Variants in COX7B2 observed in about 807,000 individuals in gnomAD.
The protein encoded by COX7B2 is cytochrome c oxidase subunit 7B2.
For synonymous variants in COX7B2, 37 were observed against 32.1 expected, an observed-to-expected ratio of 1.15 and a Z score of -0.51; for missense variants, 109 against 95.9, an observed-to-expected ratio of 1.14 and a Z score of -0.57.
intron 2 of COX7B2, among the ~76,000 whole-genome samples, chr4:46,817,667 G>T (rs1560400093): frequency 6.6e-6 from 1 of 152,138 alleles, no homozygotes; most frequent in Non-Finnish European, 1.5e-5. Context: ...AAGGAAACAT[G>T]ATAAAGTGAA....
intron 2 of COX7B2, among the ~76,000 whole-genome samples, chr4:46,745,931 C>A (rs960287013): frequency 1.3e-5 from 2 of 152,074 alleles, no homozygotes; most frequent in African/African-American, 2.4e-5. Flanking sequence ...TTTCTTAAGT[C>A]TAAAAGGGCA....
intron 2 of COX7B2, among the ~76,000 whole-genome samples, chr4:46,810,607 T>G (rs1719239367): frequency 1.3e-5 from 2 of 152,092 alleles, no homozygotes; most frequent in South Asian, 4.1e-4. Context: ...TTTGTAACAT[T>G]TATTACAGCT....
intron 2 of COX7B2, among the ~76,000 whole-genome samples, chr4:46,779,023 TC>T (rs1378209665): frequency 6.6e-6 from 1 of 152,210 alleles, no homozygotes; most frequent in Non-Finnish European, 1.5e-5. Flanking sequence ...TTGATACAAT[TC>T]TTTTGACAAA....
At chr4:46,901,706 C>G (rs578038229) in intron 1 of COX7B2, among the ~76,000 whole-genome samples, 1 of 152,280 alleles carries the variant, frequency 6.6e-6, no homozygotes, top group Admixed American at 6.5e-5. Flanking sequence ...TATTGGGGGT[C>G]CAACAGAACA....
chr4:46,847,279 A>AG lies in COX7B2; in HGVS notation c.-104-2266_-104-2265insC, dbSNP rs147181477. 7.7e-3 allele frequency among the ~76,000 whole-genome samples: 1,178 copies of AG among 152,210 alleles called. 18 individuals are homozygous for AG. The highest frequency in any genetic ancestry group is 0.027 in the African/African-American group (1,135 of 41,560). Reference sequence around the variant, plus strand: ...ACGGTGAGATGTATGTGAAGCAAGCATCATGTGGGGGAAACAATCTGGCAA... The same window carrying AG: ...ACGGTGAGATGTATGTGAAGCAAGCAGTCATGTGGGGGAAACAATCTGGCAA... On this transcript the variant is annotated intron_variant, in intron 1 of 2. Transcript: ENST00000355591.
intron 2 of COX7B2, among the ~76,000 whole-genome samples, chr4:46,773,137 A>T (rs1412189642): frequency 6.6e-6 from 1 of 152,176 alleles, no homozygotes; most frequent in Non-Finnish European, 1.5e-5. Flanking sequence ...GTTCTACTCC[A>T]GATAGAAACA....
chr4:46,786,380 G>A (rs534565500), intron 2 of COX7B2, among the ~76,000 whole-genome samples: 3 of 152,060 alleles, frequency 2.0e-5, no homozygotes, highest in Admixed American at 2.0e-4. Context: ...TTGATTCCTG[G>A]TTTTTGCTGT....
intron 2 of COX7B2, among the ~76,000 whole-genome samples, chr4:46,797,434 A>T (rs1008193766): frequency 2.0e-5 from 3 of 152,182 alleles, no homozygotes; most frequent in Non-Finnish European, 4.4e-5. Context: ...AATCCATCCT[A>T]TAGTTATTTC....
chr4:46,740,142 C>G (rs1714617137), intron 2 of COX7B2, among the ~76,000 whole-genome samples: 1 of 151,828 alleles, frequency 6.6e-6, no homozygotes, highest in South Asian at 2.1e-4. Context: ...ATTATTTGCC[C>G]TGGGTTAATG....
chr4:46,858,110 C>T (rs959421703), intron 1 of COX7B2, among the ~76,000 whole-genome samples: 2 of 152,076 alleles, frequency 1.3e-5, no homozygotes, highest in African/African-American at 4.8e-5. Flanking sequence ...TGTAGCATCA[C>T]ATTCAGATGG....
chr4:46,754,532 G>A (rs1351704029), intron 2 of COX7B2, among the ~76,000 whole-genome samples: 1 of 90,370 alleles, frequency 1.1e-5, no homozygotes, highest in African/African-American at 4.3e-5. Context: ...TTGGACACAG[G>A]AAGGGGTGGG....
chr4:46,863,797 G>A (rs1717483242), intron 1 of COX7B2, among the ~76,000 whole-genome samples: 1 of 151,952 alleles, frequency 6.6e-6, no homozygotes, highest in Non-Finnish European at 1.5e-5. Context: ...TTTTCCTCCA[G>A]GATAACTTGA....
At chr4:46,836,852 C>T (rs1255996378) in intron 2 of COX7B2, among the ~76,000 whole-genome samples, 1 of 152,078 alleles carries the variant, frequency 6.6e-6, no homozygotes, top group African/African-American at 2.4e-5. Flanking sequence ...TGCAACGTCA[C>T]TAGGCAATAG....
intron 2 of COX7B2, among the ~76,000 whole-genome samples, chr4:46,737,780 TA>T: frequency 6.6e-6 from 1 of 152,190 alleles, no homozygotes; most frequent in Middle Eastern, 3.4e-3. Flanking sequence ...AACACAGATA[TA>T]AAAGGCCCTG....
chr4:46,865,310 T>C (rs539593310), intron 1 of COX7B2, among the ~76,000 whole-genome samples: 1 of 152,352 alleles, frequency 6.6e-6, no homozygotes, highest in Admixed American at 6.5e-5. Context: ...GAGTAGTAAG[T>C]AGTCCATGGT....
At chr4:46,868,620 A>T (rs1038928713) in intron 1 of COX7B2, among the ~76,000 whole-genome samples, 1 of 152,068 alleles carries the variant, frequency 6.6e-6, no homozygotes, top group Non-Finnish European at 1.5e-5. Flanking sequence ...CTTGATTTCA[A>T]TATTTATCTA....
chr4:46,861,767 C>T (rs765691436), intron 1 of COX7B2, among the ~76,000 whole-genome samples: 27 of 152,162 alleles, frequency 1.8e-4, no homozygotes, highest in East Asian at 1.5e-3. Context: ...CTTCCAGGCA[C>T]GAAGCAGCTG....
intron 1 of COX7B2, among the ~76,000 whole-genome samples, chr4:46,908,607 C>A (rs1212562886): frequency 6.6e-6 from 1 of 152,170 alleles, no homozygotes; most frequent in Non-Finnish European, 1.5e-5. Flanking sequence ...CGCTCTGCAA[C>A]ATGCAATTCC....
At chr4:46,779,819 G>A (rs754260785) in intron 2 of COX7B2, among the ~76,000 whole-genome samples, 9 of 151,890 alleles carry the variant, frequency 5.9e-5, no homozygotes, top group Non-Finnish European at 1.2e-4. Flanking sequence ...TGGTTGCCAG[G>A]GATGGAGTGG....
Sources: allele counts gnomAD v4.1 joint callset (sites outside exome capture counted in the v4.1 genomes callset), GRCh38; gene constraint gnomAD v4.1.1; transcripts MANE v1.5; gene names NCBI Gene and HGNC (gene_info 2026-07-23, HGNC 2026-07-21).